The following TMEM263 variants were observed in gnomAD, a reference collection of about 807,000 sequenced individuals.
TMEM263 encodes UPF0444 transmembrane protein C12orf23.
TMEM263 carries 5 observed loss-of-function variants against 8.6 expected under a neutral mutation model. That is an observed-to-expected ratio of 0.58 (90% CI 0.31 to 1.23). The LOEUF (loss-of-function observed/expected upper bound fraction) is 1.23. Among genes scored for constraint, TMEM263 ranks in the 50% most tolerant of loss-of-function variants. The pLI, the probability that TMEM263 is intolerant of heterozygous loss-of-function variation, is 0.07. For missense variants in TMEM263, 104 were observed against 138.8 expected, an observed-to-expected ratio of 0.75 and a Z score of 1.26; for synonymous variants, 50 against 47.9, an observed-to-expected ratio of 1.04 and a Z score of -0.18.
At chr12:106,967,046 T>C (rs1299808506) in intron 2 of TMEM263, 65 bp from the exon 3 acceptor site, 2 of 1,029,518 alleles carry the variant, frequency 1.9e-6, no homozygotes, top group South Asian at 2.8e-5. Flanking sequence ...CAATTTAGCA[T>C]GTGATAAGAG....
Position 106,971,289 on chromosome 12 carries a change from G to A in TMEM263, c.249G>A (p.Val83=), listed in dbSNP as rs1951917983. Residue 83 remains valine, a synonymous_variant, in exon 4 of 4, where the codon GTG becomes GTA. Transcript: ENST00000280756. ...TGCCTTCCATGGGAATAGGGCTGGT[G>A]AAAGGGGGTGTCTCTGCTGTGGCTG... ...TTVPSMGIGL[V]KGGVSAVAGG... 1 of 1,614,088 alleles carries A rather than the reference G, an allele frequency of 6.2e-7. No homozygotes were observed.
In TMEM263 at chr12:106,955,917, A is replaced by G; in HGVS notation, c.-223A>G. On this transcript the variant is annotated 5_prime_UTR_variant, in exon 1 of 4. Coordinates refer to ENST00000280756, the MANE Select transcript of TMEM263 (RefSeq NM_152261.4). ...TCCACCACCGCCGCCACAGTCTTCC[A>G]GCTCCACATCCTGAGAGGACGCCTC... 1 of 985,684 alleles carries G rather than the reference A, an allele frequency of 1.0e-6. No homozygotes were observed. Among genetic ancestry groups the G allele is most frequent in the African/African-American group, 1.7e-5 (1 of 57,354 alleles). The allele number at this position is 985,684 out of a possible 1,614,324, so 61.1% of individuals were successfully genotyped here.
chr12:106,961,648 A>G (rs528868821), intron 2 of TMEM263, among the ~76,000 whole-genome samples: 183 of 152,322 alleles, frequency 1.2e-3, no homozygotes, highest in African/African-American at 4.1e-3. Flanking sequence ...AAAAATGCCT[A>G]TATCTTTAAG....
intron 2 of TMEM263, among the ~76,000 whole-genome samples, chr12:106,962,921 ACAAAC>A (rs1208839631): frequency 6.6e-6 from 1 of 152,214 alleles, no homozygotes; most frequent in Non-Finnish European, 1.5e-5. Flanking sequence ...AGAGTAGTGA[ACAAAC>A]CAAGCGTTTG....
chr12:106,971,072 AT>A (rs1466662009), intron 3 of TMEM263, 32 bp from the exon 4 acceptor site: 1 of 1,606,076 alleles, frequency 6.2e-7, no homozygotes, highest in African/African-American at 1.3e-5. Flanking sequence ...TGTGACTTAT[AT>A]TTGATTGTCT....
chr12:106,965,092 CTT>C (rs59667095), intron 2 of TMEM263, among the ~76,000 whole-genome samples: 26,634 of 152,016 alleles, frequency 0.18, 3,908 homozygotes, highest in African/African-American at 0.39. Flanking sequence ...AGACCTCACT[CTT>C]TGTCTTCCTC....
chr12:106,958,859 C>T (rs549083751), intron 2 of TMEM263, among the ~76,000 whole-genome samples: 1 of 152,140 alleles, frequency 6.6e-6, no homozygotes, highest in Non-Finnish European at 1.5e-5. Flanking sequence ...GATCCTCCTG[C>T]CTCGACCTTT....
At chr12:106,969,180 C>A (rs1951884620) in intron 3 of TMEM263, among the ~76,000 whole-genome samples, 1 of 152,078 alleles carries the variant, frequency 6.6e-6, no homozygotes. Context: ...TAAATTTGTG[C>A]CTTGTGCATT....
intron 2 of TMEM263, among the ~76,000 whole-genome samples, chr12:106,959,874 T>C (rs1951746599): frequency 6.6e-6 from 1 of 152,164 alleles, no homozygotes; most frequent in Non-Finnish European, 1.5e-5. Flanking sequence ...TGTCTTATGA[T>C]CAAATTAGGA....
intron 3 of TMEM263, among the ~76,000 whole-genome samples, chr12:106,967,684 A>G (rs1951864977): frequency 6.6e-6 from 1 of 152,250 alleles, no homozygotes; most frequent in African/African-American, 2.4e-5. Flanking sequence ...ATAGGGACAC[A>G]ATTTTACCAT....
chr12:106,960,504 A>G (rs1951757271), intron 2 of TMEM263, among the ~76,000 whole-genome samples: 1 of 152,192 alleles, frequency 6.6e-6, no homozygotes, highest in Non-Finnish European at 1.5e-5. Context: ...TACTGCTAAT[A>G]AATTTTAAAT....
rs1183342504 is a variant in TMEM263 at position 106,973,865 on chromosome 12, CATT to C, written c.*2477_*2479del. The C allele has an allele frequency of 6.6e-6, 1 of 152,596 alleles. No individual in the cohort carries two copies. The highest frequency in any genetic ancestry group is 1.5e-5 in the Non-Finnish European group (1 of 68,036). 9.5% of individuals were successfully genotyped at this position (152,596 alleles called of 1,614,324 possible). Reference sequence around the variant, plus strand: ...TGAATGGCTGATCTAATAATGTTGACATTATGCATTCTGTACTTAGTGAAATGT... The same window carrying C: ...TGAATGGCTGATCTAATAATGTTGACATGCATTCTGTACTTAGTGAAATGT... On this transcript the variant is annotated 3_prime_UTR_variant, in exon 4 of 4. Coordinates refer to ENST00000280756, the MANE Select transcript of TMEM263 (RefSeq NM_152261.4).
intron 3 of TMEM263, among the ~76,000 whole-genome samples, 159 bp from the exon 4 acceptor site, chr12:106,970,946 C>T (rs1461194346): frequency 6.6e-6 from 1 of 152,182 alleles, no homozygotes; most frequent in Non-Finnish European, 1.5e-5. Context: ...CAACTATACC[C>T]TGAAGGAAGA....
chr12:106,969,096 C>T (rs1193408709), intron 3 of TMEM263, among the ~76,000 whole-genome samples: 1 of 152,192 alleles, frequency 6.6e-6, no homozygotes, highest in African/African-American at 2.4e-5. Flanking sequence ...GATATTTTGA[C>T]TAGTCAGTGA....
At chr12:106,967,984 T>C (rs1033061766) in intron 3 of TMEM263, among the ~76,000 whole-genome samples, 11 of 152,236 alleles carry the variant, frequency 7.2e-5, no homozygotes, top group Non-Finnish European at 1.3e-4. Context: ...AAAATTGTGT[T>C]ATCATGAATC....
In TMEM263 at chr12:106,971,460, T is replaced by C; in HGVS notation, c.*69T>C. The C allele has an allele frequency of 6.9e-7, 1 of 1,455,008 alleles. No homozygotes were observed. Among genetic ancestry groups the C allele is most frequent in the Non-Finnish European group, 9.2e-7 (1 of 1,082,450 alleles). The allele number at this position is 1,455,008 out of a possible 1,614,324, so 90.1% of individuals were successfully genotyped here. On this transcript the variant is annotated 3_prime_UTR_variant, in exon 4 of 4. Coordinates refer to ENST00000280756, the MANE Select transcript of TMEM263 (RefSeq NM_152261.4). ...GGCATTGAATTGCTAAATTATGGACTACAACCAAGTCAACTGTTTTGGACG... is the reference window on the plus strand; with the variant it reads ...GGCATTGAATTGCTAAATTATGGACCACAACCAAGTCAACTGTTTTGGACG...
In TMEM263 at chr12:106,971,446, G is replaced by A. The variant is rs370743917; in HGVS notation, c.*55G>A. ...ACTGTAATGCCAGTGGCATTGAATT[G>A]CTAAATTATGGACTACAACCAAGTC... On this transcript the variant is annotated 3_prime_UTR_variant, in exon 4 of 4. Coordinates refer to ENST00000280756, the MANE Select transcript of TMEM263 (RefSeq NM_152261.4). 7 of 1,504,380 alleles carry A rather than the reference G, an allele frequency of 4.7e-6. No homozygotes were observed. Among genetic ancestry groups the A allele is most frequent in the African/African-American group, 4.2e-5 (3 of 71,938 alleles). The allele number at this position is 1,504,380 out of a possible 1,614,324, so 93.2% of individuals were successfully genotyped here. A position where few individuals can be genotyped will look rare whatever the true frequency, so the allele number is the denominator to read the frequency against.
At chr12:106,956,389 A>G (rs2041894) in intron 1 of TMEM263, among the ~76,000 whole-genome samples, 99,018 of 152,088 alleles carry the variant, frequency 0.65, 34,245 homozygotes, top group African/African-American at 0.88. Context: ...GGTGAGGGGC[A>G]TCAGCAGCCT....
intron 2 of TMEM263, among the ~76,000 whole-genome samples, chr12:106,957,756 ACT>A (rs1292722969): frequency 6.6e-6 from 1 of 152,182 alleles, no homozygotes; most frequent in Non-Finnish European, 1.5e-5. Flanking sequence ...CCATTTTGAC[ACT>A]GTCAGTTATT....
Sources: allele counts gnomAD v4.1 joint callset (sites outside exome capture counted in the v4.1 genomes callset), GRCh38; gene constraint gnomAD v4.1.1; transcripts MANE v1.5; gene names NCBI Gene and HGNC (gene_info 2026-07-23, HGNC 2026-07-21).